Variants in FN3KRP observed in about 807,000 individuals in gnomAD.
FN3KRP encodes the protein ketosamine-3-kinase.
FN3KRP carries 33 observed loss-of-function variants against 29.8 expected under a neutral mutation model. That is an observed-to-expected ratio of 1.11 (90% CI 0.84 to 1.48). FN3KRP has a LOEUF of 1.48. FN3KRP is among the 40% of genes most tolerant of loss of function. FN3KRP has a pLI of 0.00. For synonymous variants in FN3KRP, 157 were observed against 155.2 expected (o/e 1.01, Z -0.09); for missense variants, 430 against 402.6 (o/e 1.07, Z -0.58).
chr17:82,723,423 T>C (rs1395170465), intron 4 of FN3KRP, among the ~76,000 whole-genome samples: 1 of 151,860 alleles, frequency 6.6e-6, no homozygotes, highest in African/African-American at 2.4e-5. Flanking sequence ...AGTGGTGCCC[T>C]CTGGTCCTGC....
At chr17:82,721,897 C>T (rs1407497495) in intron 3 of FN3KRP, among the ~76,000 whole-genome samples, 8 of 151,072 alleles carry the variant, frequency 5.3e-5, no homozygotes, top group Middle Eastern at 3.6e-3. Flanking sequence ...TGCAGTGGCG[C>T]GATCTCAGCT....
At chr17:82,719,710 G>A (rs1027725893) in intron 2 of FN3KRP, among the ~76,000 whole-genome samples, 2 of 151,846 alleles carry the variant, frequency 1.3e-5, no homozygotes, top group Non-Finnish European at 2.9e-5. Context: ...AGCTGAGATC[G>A]CACCACTGCA....
At chr17:82,719,774 C>A (rs1400863052) in intron 2 of FN3KRP, among the ~76,000 whole-genome samples, 2 of 151,306 alleles carry the variant, frequency 1.3e-5, no homozygotes, top group Non-Finnish European at 2.9e-5. Context: ...GAAAAAAAAA[C>A]CACTGCAAAC....
At chr17:82,726,632 C>G (rs745434811) in intron 5 of FN3KRP, 30 bp downstream of exon 5, 9 of 1,595,076 alleles carry the variant, frequency 5.6e-6, no homozygotes, top group East Asian at 2.2e-5. Context: ...ATGCCCAGCA[C>G]CTGCCACACA....
chr17:82,718,676 G>A lies in FN3KRP; in HGVS notation c.142-230G>A, dbSNP rs1308505178. 5 of 1,272,630 alleles carry A rather than the reference G, an allele frequency of 3.9e-6. No individual in the cohort carries two copies. In the African/African-American group the frequency reaches 7.5e-5, roughly 19 times the overall value. 78.8% of individuals were successfully genotyped at this position (1,272,630 alleles called of 1,614,324 possible). The stretch of plus-strand genomic sequence containing the variant: ...CTCCCAATTCAACCACAGCACACAA[G>A]TGTAGTCCAACACTGGAAAGCTCAA... On this transcript the variant is annotated intron_variant, in intron 1 of 5. Coordinates refer to ENST00000269373, the MANE Select transcript of FN3KRP (RefSeq NM_024619.4).
intron 2 of FN3KRP, 59 bp downstream of exon 2, chr17:82,719,116 C>G (rs1276402070): frequency 1.3e-6 from 2 of 1,500,508 alleles, no homozygotes; most frequent in Admixed American, 3.6e-5. Flanking sequence ...TGTCTTCACA[C>G]CTTGTTTTAT....
rs769647464 is a variant in FN3KRP, at chr17:82,720,375, C to G, written c.385+12C>G. ...GGCGGGCACAGTGGGTATGGCACTGCGCGGGCCACGGGTGCTCCCGCCTAG... is the reference window on the plus strand; with the variant it reads ...GGCGGGCACAGTGGGTATGGCACTGGGCGGGCCACGGGTGCTCCCGCCTAG... On this transcript the variant is annotated intron_variant, in intron 3 of 5. Coordinates refer to ENST00000269373, the MANE Select transcript of FN3KRP (RefSeq NM_024619.4). 1.2e-6 allele frequency: 2 copies of G among 1,605,776 alleles called. No individual in the cohort carries two copies. Among genetic ancestry groups the G allele is most frequent in the Admixed American group, 1.7e-5 (1 of 59,730 alleles).
In FN3KRP at chr17:82,716,909, G is replaced by C. The variant is rs1351816836; in HGVS notation, c.141+13G>C. Reference sequence around the variant, plus strand: ...CCCCAAGGCGGAGGTCAGGCAGCGGGTCGGGCGGGCCGGGGGACCGGTTTC... The same window carrying C: ...CCCCAAGGCGGAGGTCAGGCAGCGGCTCGGGCGGGCCGGGGGACCGGTTTC... On this transcript the variant is annotated intron_variant, in intron 1 of 5. Transcript: ENST00000269373. 6.4e-7 allele frequency: 1 copy of C among 1,564,346 alleles called. No individual in the cohort carries two copies. The highest frequency in any genetic ancestry group is 8.6e-7 in the Non-Finnish European group (1 of 1,159,686).
chr17:82,716,911 CGGGCGGGCCGGGGGACCGGTTTCTT>C lies in FN3KRP; in HGVS notation c.141+16_141+40del, dbSNP rs1568057821. The C allele has an allele frequency of 8.5e-7, 1 of 1,182,084 alleles. No homozygotes were observed. The highest frequency in any genetic ancestry group is 1.2e-6 in the Non-Finnish European group (1 of 821,126). The allele number at this position is 1,182,084 out of a possible 1,614,324, so 73.2% of individuals were successfully genotyped here. A position where few individuals can be genotyped will look rare whatever the true frequency, so the allele number is the denominator to read the frequency against. On this transcript the variant is annotated intron_variant, in intron 1 of 5. Transcript: ENST00000269373. The stretch of plus-strand genomic sequence containing the variant: ...CCAAGGCGGAGGTCAGGCAGCGGGT[CGGGCGGGCCGGGGGACCGGTTTCTT>C]TCCGGAGAGGGTCGCGGGCCTCGGC...
At position 82,727,123 on chromosome 17, in the gene FN3KRP, G is replaced by A. The variant is rs1165838009; in HGVS notation, c.882G>A (p.Ser294=). 2.0e-5 allele frequency: 32 copies of A among 1,613,972 alleles called. No individual in the cohort carries two copies. Among genetic ancestry groups the A allele is most frequent in the Admixed American group, 3.3e-5 (2 of 59,972 alleles). Residue 294 remains serine, a synonymous_variant, in exon 6 of 6, where the codon TCG becomes TCA. Transcript: ENST00000269373. ...TGAACCACTGGAATCATTTTGGATC[G>A]GGGTACAGAGGATCCTCCCTGAACA... ...HYLNHWNHFG[S]GYRGSSLNIM...
At chr17:82,723,844 T>G (rs1254950265) in intron 4 of FN3KRP, among the ~76,000 whole-genome samples, 1 of 152,040 alleles carries the variant, frequency 6.6e-6, no homozygotes, top group East Asian at 1.9e-4. Flanking sequence ...TGACTTTTCC[T>G]GTCATCACTG....
chr17:82,724,275 T>G (rs779893157), intron 4 of FN3KRP, among the ~76,000 whole-genome samples: 1 of 151,190 alleles, frequency 6.6e-6, no homozygotes, highest in Non-Finnish European at 1.5e-5. Context: ...GCTTGGGTAA[T>G]GGAGCAAGAC....
At chr17:82,726,647 A>G (rs768293326) in intron 5 of FN3KRP, 45 bp downstream of exon 5, 15 of 1,580,866 alleles carry the variant, frequency 9.5e-6, no homozygotes, top group South Asian at 5.8e-5. Context: ...CACACACCCC[A>G]CTTGCCTGAG....
chr17:82,727,040 A>G lies in FN3KRP; in HGVS notation c.799A>G (p.Ile267Val), dbSNP rs928621999. ...CTTTTACTCCGCCTACCACGGCAAAATCCCCAAGGCCCCAGGATTCGAGAA... is the reference window on the plus strand; with the variant it reads ...CTTTTACTCCGCCTACCACGGCAAAGTCCCCAAGGCCCCAGGATTCGAGAA... ...SSFYSAYHGK[I>V]PKAPGFEKRL... Residue 267 changes from isoleucine to valine, a missense_variant, in exon 6 of 6, where the codon ATC (isoleucine) becomes GTC (valine). Transcript: ENST00000269373. 2 of 1,613,966 alleles carry G rather than the reference A, an allele frequency of 1.2e-6. No individual in the cohort carries two copies. The highest frequency in any genetic ancestry group is 2.7e-5 in the African/African-American group (2 of 74,874).
chr17:82,718,446 GA>G, intron 1 of FN3KRP: 1 of 989,186 alleles, frequency 1.0e-6, no homozygotes, highest in Non-Finnish European at 1.2e-6. Flanking sequence ...CTCTTCAGGT[GA>G]AAAGTGACCC....
At chr17:82,726,216 C>G (rs1214006785) in intron 4 of FN3KRP, among the ~76,000 whole-genome samples, 1 of 152,062 alleles carries the variant, frequency 6.6e-6, no homozygotes, top group African/African-American at 2.4e-5. Context: ...GTTCTAGAAG[C>G]CTTCATTCTT....
intron 3 of FN3KRP, 32 bp from the exon 4 acceptor site, chr17:82,722,772 C>A: frequency 6.2e-7 from 1 of 1,607,278 alleles, no homozygotes; most frequent in Non-Finnish European, 8.5e-7. Context: ...TCCCTTGGAA[C>A]TAATTTCCTT....
Position 82,718,909 on chromosome 17 carries a change from A to G in FN3KRP, c.145A>G (p.Arg49Gly). Residue 49 changes from arginine to glycine, a missense_variant, in exon 2 of 6, where the codon AGA becomes GGA. Arg to Gly is a moderately radical substitution (Grantham distance 125). Transcript: ENST00000269373. ...TCCTCTCGTATTTTTCTGACAGGCCAGAAGAATGTTTGAAGGTGAGATGGC... is the reference window on the plus strand; with the variant it reads ...TCCTCTCGTATTTTTCTGACAGGCCGGAAGAATGTTTGAAGGTGAGATGGC... ...FVKVNPKAEA[R>G]RMFEGEMASL... is the part of the protein sequence containing the mutation. 1 of 1,613,630 alleles carries G rather than the reference A, an allele frequency of 6.2e-7. No homozygotes were observed.
chr17:82,718,195 CTG>C (rs1485151075), intron 1 of FN3KRP, among the ~76,000 whole-genome samples: 1 of 101,122 alleles, frequency 9.9e-6, no homozygotes, highest in Non-Finnish European at 2.1e-5. Context: ...TGTTATGTGT[CTG>C]TGTGTGTAAG....
Sources: allele counts gnomAD v4.1 joint callset (sites outside exome capture counted in the v4.1 genomes callset), GRCh38; gene constraint gnomAD v4.1.1; transcripts MANE v1.5; gene names NCBI Gene and HGNC (gene_info 2026-07-23, HGNC 2026-07-21).